The following ESR1 variants were observed in gnomAD, a reference collection of about 807,000 sequenced individuals.
ESR1 encodes estrogen receptor 1.
ESR1 carries 12 observed loss-of-function variants against 52.7 expected under a neutral mutation model. The ratio of observed to expected loss-of-function variants is 0.23; its 90% confidence interval spans 0.15 to 0.37. The LOEUF is 0.37. Among genes scored for constraint, ESR1 ranks in the 10% least tolerant of loss-of-function variants. ESR1 has a pLI of 1.00. For synonymous variants in ESR1, 305 were observed against 316.8 expected (o/e 0.96, Z 0.39); for missense variants, 584 against 779.7 (o/e 0.75, Z 2.99).
At chr6:151,693,093 G>C (rs1779069903) in intron 1 of ESR1, among the ~76,000 whole-genome samples, 1 of 152,178 alleles carries the variant, frequency 6.6e-6, no homozygotes, top group Non-Finnish European at 1.5e-5. Flanking sequence ...TGCAAAGTGG[G>C]AGTACTAACA....
intron 2 of ESR1, among the ~76,000 whole-genome samples, chr6:151,736,375 G>GGTTTTTTTTTTTTTTTTTTT (rs1554247186): frequency 3.5e-5 from 4 of 112,742 alleles, no homozygotes; most frequent in African/African-American, 1.5e-4. Context: ...TCCAGGTAGT[G>GGTTTTTTTTTTTTTTTTTTT]TTTTTTTTTT....
chr6:151,899,758 G>A (rs1274425036), intron 3 of ESR1, among the ~76,000 whole-genome samples: 8 of 151,602 alleles, frequency 5.3e-5, no homozygotes. Context: ...CATCCCAGAC[G>A]GGGCGGCAGG....
At chr6:151,807,209 C>T (rs1251936371), upstream of ESR1, 1 of 153,334 alleles carries the variant, frequency 6.5e-6, no homozygotes, top group Non-Finnish European at 1.4e-5. Flanking sequence ...CAACCGCACA[C>T]CCCATTCTAT....
At chr6:151,844,734 A>G (rs536354406) in intron 2 of ESR1, among the ~76,000 whole-genome samples, 3 of 152,344 alleles carry the variant, frequency 2.0e-5, no homozygotes, top group Admixed American at 2.0e-4. Context: ...GGGGATTTTT[A>G]AATCTAAAGT....
intron 4 of ESR1, among the ~76,000 whole-genome samples, chr6:152,007,851 G>A (rs779197277): frequency 6.6e-6 from 1 of 152,044 alleles, no homozygotes; most frequent in Non-Finnish European, 1.5e-5. Flanking sequence ...AAGCTCCCAC[G>A]TTATTATTGG....
At chr6:152,032,533 C>T (rs866190691) in intron 5 of ESR1, among the ~76,000 whole-genome samples, 12 of 152,164 alleles carry the variant, frequency 7.9e-5, no homozygotes, top group African/African-American at 2.9e-4. Context: ...AGTGAACTTC[C>T]ATTCACAATT....
intron 2 of ESR1, among the ~76,000 whole-genome samples, chr6:151,777,337 T>C (rs1786106457): frequency 1.3e-5 from 2 of 152,000 alleles, no homozygotes; most frequent in South Asian, 2.1e-4. Flanking sequence ...CAGGGTGGTC[T>C]TGAATTCCTG....
rs372484461 is a variant in ESR1, at chr6:152,102,616, A to G, written c.*3650A>G. ...AATATCCATCTTTTCAGTAGCGTTAATTATGCTCTGTTTCCAACTGCATTT... is the reference window on the plus strand; with the variant it reads ...AATATCCATCTTTTCAGTAGCGTTAGTTATGCTCTGTTTCCAACTGCATTT... On this transcript the variant is annotated 3_prime_UTR_variant, in exon 8 of 8. Transcript: ENST00000206249. 1 of 220,662 alleles carries G rather than the reference A, an allele frequency of 4.5e-6. No individual in the cohort carries two copies. The highest frequency in any genetic ancestry group is 6.7e-5 in the East Asian group (1 of 15,020). 13.7% of individuals were successfully genotyped at this position (220,662 alleles called of 1,614,324 possible).
intron 1 of ESR1, among the ~76,000 whole-genome samples, chr6:151,667,771 A>G (rs1406757937): frequency 6.6e-6 from 1 of 152,242 alleles, no homozygotes; most frequent in Admixed American, 6.5e-5. Flanking sequence ...TACTATGGAC[A>G]TCAAAATATG....
intron 5 of ESR1, among the ~76,000 whole-genome samples, chr6:152,059,271 A>G (rs900202923): frequency 6.6e-6 from 1 of 152,032 alleles, no homozygotes; most frequent in African/African-American, 2.4e-5. Flanking sequence ...AGAAGGAAAT[A>G]TAAGATAATT....
At chr6:152,097,147 TTCTC>T (rs149519536) in intron 7 of ESR1, among the ~76,000 whole-genome samples, 1 of 149,952 alleles carries the variant, frequency 6.7e-6, no homozygotes, top group African/African-American at 2.4e-5. Flanking sequence ...CTCTCTCTCT[TTCTC>T]TCTCTCTCTC....
At chr6:152,040,864 A>G (rs2045731970) in intron 5 of ESR1, among the ~76,000 whole-genome samples, 1 of 152,200 alleles carries the variant, frequency 6.6e-6, no homozygotes, top group South Asian at 2.1e-4. Context: ...AGTGGGGACC[A>G]TGGGCATTTG....
chr6:151,859,482 T>A (rs1788487126), intron 2 of ESR1, among the ~76,000 whole-genome samples: 1 of 152,190 alleles, frequency 6.6e-6, no homozygotes, highest in Non-Finnish European at 1.5e-5. Context: ...TACTTGCGTG[T>A]CTTGGCTAAC....
intron 5 of ESR1, among the ~76,000 whole-genome samples, chr6:152,050,625 G>A (rs923950570): frequency 1.3e-5 from 2 of 152,180 alleles, no homozygotes; most frequent in African/African-American, 2.4e-5. Context: ...TAAACATAGA[G>A]TTTTGCCCAA....
intron 4 of ESR1, among the ~76,000 whole-genome samples, chr6:151,946,699 A>G (rs545869699): frequency 1.3e-5 from 2 of 152,262 alleles, no homozygotes; most frequent in East Asian, 1.9e-4. Flanking sequence ...AATTATATGT[A>G]TGTGTGTTTG....
chr6:152,000,274 T>G (rs527282495), intron 4 of ESR1, among the ~76,000 whole-genome samples: 1 of 152,188 alleles, frequency 6.6e-6, no homozygotes, highest in Non-Finnish European at 1.5e-5. Context: ...GGCACTCTGC[T>G]AGGCACCAGA....
At chr6:151,941,242 G>A (rs771472073) in intron 3 of ESR1, among the ~76,000 whole-genome samples, 2 of 152,048 alleles carry the variant, frequency 1.3e-5, no homozygotes, top group Non-Finnish European at 2.9e-5. Flanking sequence ...ATTTCTCTCT[G>A]TAGATCCGCT....
At chr6:152,123,756 A>G (rs1014806939) in intron 6 of ESR1, among the ~76,000 whole-genome samples, 2 of 152,224 alleles carry the variant, frequency 1.3e-5, no homozygotes, top group African/African-American at 4.8e-5. Flanking sequence ...ATTCCTTAAG[A>G]GTTTTAATAT....
At chr6:151,687,003 C>A (rs1562329494), upstream of ESR1, among the ~76,000 whole-genome samples, 1 of 152,184 alleles carries the variant, frequency 6.6e-6, no homozygotes, top group African/African-American at 2.4e-5. Context: ...TGCTAGGAGG[C>A]TTTCCTTACT....
Sources: allele counts gnomAD v4.1 joint callset (sites outside exome capture counted in the v4.1 genomes callset), GRCh38; gene constraint gnomAD v4.1.1; transcripts MANE v1.5; gene names NCBI Gene and HGNC (gene_info 2026-07-23, HGNC 2026-07-21).